USH2A: variants seen among roughly 807,000 people sequenced by gnomAD.
The protein encoded by USH2A is usherin.
In USH2A, 443 loss-of-function variants were observed where a neutral mutation model predicts 538.9. The observed-to-expected ratio is 0.82, with a 90% confidence interval of 0.76 to 0.89. The LOEUF (loss-of-function observed/expected upper bound fraction) is 0.89. Ranked by LOEUF, USH2A falls within the 40% of genes least tolerant of loss-of-function variation. USH2A has a pLI of 0.00. For missense variants in USH2A, 6,633 were observed against 6,324.8 expected (o/e 1.05, Z -1.65); for synonymous variants, 2,413 against 2,273.5 (o/e 1.06, Z -1.75).
chr1:216,300,474 T>G (rs2037193657), intron 9 of USH2A, among the ~76,000 whole-genome samples: 1 of 152,332 alleles, frequency 6.6e-6, no homozygotes, highest in African/African-American at 2.4e-5. Flanking sequence ...TAAAGGCTAC[T>G]AATCAACTCC....
Position 215,758,594 on chromosome 1 carries a change from C to A in USH2A, c.11389+1G>T, listed in dbSNP as rs368770647. 3 of 1,603,502 alleles carry A rather than the reference C, an allele frequency of 1.9e-6. No homozygotes were observed. Among genetic ancestry groups the A allele is most frequent in the Non-Finnish European group, 2.6e-6 (3 of 1,175,868 alleles). ...CACACATACTTCTTTTTTTTTTTTA[C>A]CTGGTGGTATCCAAGCTACAAATAT... On this transcript the variant is annotated splice_donor_variant, in intron 58 of 71. Transcript: ENST00000307340. LOFTEE classifies it high-confidence loss of function.
intron 41 of USH2A, among the ~76,000 whole-genome samples, chr1:215,886,834 A>T (rs1665068744): frequency 6.6e-6 from 1 of 152,194 alleles, no homozygotes; most frequent in African/African-American, 2.4e-5. Context: ...AGAATTGTAC[A>T]CTGAGTTCCT....
intron 26 of USH2A, among the ~76,000 whole-genome samples, chr1:216,080,772 A>C (rs2031916977): frequency 6.6e-6 from 1 of 151,088 alleles, no homozygotes; most frequent in Non-Finnish European, 1.5e-5. Flanking sequence ...ATGACGGTAG[A>C]CATATTTTCT....
rs1246361217 is a variant in USH2A at position 215,836,681 on chromosome 1, C to A, written c.9371+1310G>T. 3.5e-5 allele frequency among the ~76,000 whole-genome samples: 5 copies of A among 141,490 alleles called. No homozygotes were observed. The East Asian group carries it at 1.1e-3, about 30-fold the overall frequency. 92.8% of individuals were successfully genotyped at this position (141,490 alleles called of 152,430 possible). ...ACGCCATGCTCCTGCCTCAGCCTCC[C>A]GAGTAGCTGGGACTACAGGTGCCCC... On this transcript the variant is annotated intron_variant, in intron 47 of 71. Transcript: ENST00000307340.
At chr1:216,228,951 A>T (rs943211957) in intron 14 of USH2A, among the ~76,000 whole-genome samples, 18 of 152,224 alleles carry the variant, frequency 1.2e-4, no homozygotes, top group South Asian at 4.1e-4. Context: ...AGGTGGGCGG[A>T]TCACGAGTTC....
At chr1:216,168,225 G>A (rs1225637300) in intron 21 of USH2A, among the ~76,000 whole-genome samples, 1 of 151,898 alleles carries the variant, frequency 6.6e-6, no homozygotes. Flanking sequence ...GAATGAAGGG[G>A]AAATTAAAAT....
chr1:216,047,495 T>C (rs2030574617), intron 31 of USH2A, among the ~76,000 whole-genome samples: 1 of 152,130 alleles, frequency 6.6e-6, no homozygotes, highest in African/African-American at 2.4e-5. Flanking sequence ...ACTGACAGCA[T>C]AGTTCAGGTG....
chr1:215,917,787 A>C (rs1206645986), intron 38 of USH2A, among the ~76,000 whole-genome samples: 1 of 119,918 alleles, frequency 8.3e-6, no homozygotes, highest in Non-Finnish European at 1.8e-5. Context: ...CTACAAAAAA[A>C]AAAAAAAAAA....
intron 49 of USH2A, among the ~76,000 whole-genome samples, chr1:215,803,266 T>C (rs1313888642): frequency 1.3e-5 from 2 of 152,058 alleles, no homozygotes; most frequent in African/African-American, 4.8e-5. Flanking sequence ...CAACATAGGG[T>C]TGGAAGTTCT....
At chr1:216,168,658 C>T (rs1382275296) in intron 21 of USH2A, among the ~76,000 whole-genome samples, 2 of 152,144 alleles carry the variant, frequency 1.3e-5, no homozygotes, top group African/African-American at 4.8e-5. Context: ...GGTTTAGAAG[C>T]CGTGCAGCCT....
chr1:216,208,597 T>C (rs899438468), intron 15 of USH2A, among the ~76,000 whole-genome samples: 5 of 152,164 alleles, frequency 3.3e-5, no homozygotes, highest in South Asian at 2.1e-4. Context: ...GGTACAGAAC[T>C]GCAGAGCTCT....
intron 27 of USH2A, among the ~76,000 whole-genome samples, chr1:216,075,132 T>A (rs897319412): frequency 2.0e-5 from 3 of 152,148 alleles, no homozygotes; most frequent in Admixed American, 2.0e-4. Context: ...TCTTTCTTCA[T>A]TTTGGAGATG....
intron 60 of USH2A, among the ~76,000 whole-genome samples, chr1:215,730,087 C>T (rs1659948560): frequency 6.6e-6 from 1 of 152,156 alleles, no homozygotes; most frequent in Admixed American, 6.5e-5. Context: ...GGGCCAAATG[C>T]ATACTCTTTT....
intron 31 of USH2A, among the ~76,000 whole-genome samples, chr1:216,047,620 C>A (rs906289059): frequency 2.0e-5 from 3 of 152,056 alleles, no homozygotes; most frequent in Non-Finnish European, 4.4e-5. Flanking sequence ...GTCTTCCTTT[C>A]TGTTACATAT....
At chr1:216,267,397 G>T (rs1451556047) in intron 11 of USH2A, among the ~76,000 whole-genome samples, 1 of 152,114 alleles carries the variant, frequency 6.6e-6, no homozygotes, top group East Asian at 1.9e-4. Flanking sequence ...CATGAGCCTA[G>T]ACAAGTCTTT....
chr1:215,926,887 C>T lies in USH2A; in HGVS notation c.7300+7729G>A, dbSNP rs374883275. Among the ~76,000 whole-genome samples, 38 of 152,082 alleles carry T rather than the reference C, an allele frequency of 2.5e-4. No individual in the cohort carries two copies. In the East Asian group the frequency reaches 4.3e-3, roughly 17 times the overall value. On this transcript the variant is annotated intron_variant, in intron 38 of 71. Coordinates refer to ENST00000307340, the MANE Select transcript of USH2A (RefSeq NM_206933.4). ...CCTTCCGAAGTGCTGGGATTACAGG[C>T]GTGAGCCACCGCGCCCAGCCTTACC...
chr1:216,411,000 T>C (rs1442280454), intron 3 of USH2A, among the ~76,000 whole-genome samples: 1 of 152,144 alleles, frequency 6.6e-6, no homozygotes, highest in East Asian at 1.9e-4. Context: ...GAAAAAATAA[T>C]CTGTGCATAT....
rs144664357 is a variant in USH2A, at chr1:216,059,403, T to C, written c.6049+10698A>G. The stretch of plus-strand genomic sequence containing the variant: ...CTTCAGGGCTCTGAAGTCTTCATTC[T>C]TTTTGTAGACACCCAAACAATGAGT... On this transcript the variant is annotated intron_variant, in intron 30 of 71. Coordinates refer to ENST00000307340, the MANE Select transcript of USH2A (RefSeq NM_206933.4). Among the ~76,000 whole-genome samples, 23 of 152,326 alleles carry C rather than the reference T, an allele frequency of 1.5e-4. 1 individual carries two copies. The East Asian group carries it at 4.4e-3, about 29-fold the overall frequency.
chr1:215,718,160 T>C (rs963507790), intron 61 of USH2A, among the ~76,000 whole-genome samples: 6 of 152,196 alleles, frequency 3.9e-5, no homozygotes, highest in Admixed American at 1.3e-4. Context: ...TTAAAAATTA[T>C]ATTGAGATAA....
Sources: gnomAD v4.1 joint callset for allele counts (sites outside exome capture counted in the v4.1 genomes callset) on GRCh38, gnomAD v4.1.1 for gene constraint, MANE v1.5 for transcripts, NCBI Gene and HGNC (gene_info 2026-07-23, HGNC 2026-07-21) for gene names.